The following SOS1 variants were observed in gnomAD, a reference collection of about 807,000 sequenced individuals.
SOS1 encodes SOS Ras/Rac guanine nucleotide exchange factor 1, also known as son of sevenless homolog 1.
Under a neutral mutation model 157.6 loss-of-function variants are expected in SOS1, and 25 were observed. That is an observed-to-expected ratio of 0.16 (90% confidence interval 0.12 to 0.22). The LOEUF is 0.22. Ranked by LOEUF, SOS1 falls within the 10% of genes least tolerant of loss-of-function variation. The probability of loss-of-function intolerance (pLI) is 1.00; values close to 1 mark genes in which losing one functional copy is unlikely to be tolerated. For synonymous variants in SOS1, 528 were observed against 534.0 expected (o/e 0.99, Z 0.16); for missense variants, 1,237 against 1,599.1 (o/e 0.77, Z 3.86).
intron 8 of SOS1, among the ~76,000 whole-genome samples, chr2:39,026,865 T>G (rs567291646): frequency 8.6e-4 from 131 of 152,344 alleles, no homozygotes; most frequent in African/African-American, 3.0e-3. Context: ...TGATGAGCTT[T>G]TTAAAAATTG....
At chr2:39,038,351 T>A (rs1670428950) in intron 6 of SOS1, among the ~76,000 whole-genome samples, 1 of 152,184 alleles carries the variant, frequency 6.6e-6, no homozygotes, top group East Asian at 1.9e-4. Flanking sequence ...AGAAATAGGA[T>A]TAGAAGTGGA....
chr2:38,985,954 G>A lies in SOS1; in HGVS notation c.3872C>T (p.Pro1291Leu). The A allele has an allele frequency of 6.2e-7, 1 of 1,614,008 alleles. No individual in the cohort carries two copies. Among genetic ancestry groups the A allele is most frequent in the Non-Finnish European group, 8.5e-7 (1 of 1,179,902 alleles). Residue 1291 changes from proline (P) to leucine (L), a missense_variant, in exon 23 of 23, where the codon CCT becomes CTT. Physicochemically the swap from Pro to Leu is moderately conservative, Grantham distance 98. This residue lies in a region of SOS1 where 306 missense variants were observed against 322.6 expected (regional missense o/e 0.95). Transcript: ENST00000402219. ...AGAAGTGCTTTGTCGTGGAGGAACAGGCGGCCCAGCAATGGAATGAAGGTC... is the reference window on the plus strand; with the variant it reads ...AGAAGTGCTTTGTCGTGGAGGAACAAGCGGCCCAGCAATGGAATGAAGGTC... Reference protein sequence around the residue: ...EVDLHSIAGPPVPPRQSTSQH... With the variant: ...EVDLHSIAGPLVPPRQSTSQH...
chr2:39,020,738 C>G (rs936814191), intron 10 of SOS1, among the ~76,000 whole-genome samples: 2 of 151,712 alleles, frequency 1.3e-5, no homozygotes. Flanking sequence ...AGTAACAGAC[C>G]TTACAGAATA....
At chr2:39,100,585 T>A (rs1672931300) in intron 1 of SOS1, among the ~76,000 whole-genome samples, 1 of 152,108 alleles carries the variant, frequency 6.6e-6, no homozygotes, top group South Asian at 2.1e-4. Context: ...ATGACATCGC[T>A]TATATATGGA....
chr2:39,039,185 T>C (rs1300136669), intron 6 of SOS1, among the ~76,000 whole-genome samples: 1 of 152,264 alleles, frequency 6.6e-6, no homozygotes, highest in African/African-American at 2.4e-5. Context: ...CAGGATAGTG[T>C]AAACATAACT....
intron 8 of SOS1, among the ~76,000 whole-genome samples, chr2:39,031,829 A>G (rs1670169128): frequency 6.6e-6 from 1 of 152,232 alleles, no homozygotes; most frequent in South Asian, 2.1e-4. Context: ...ACATACAAAA[A>G]TCACATTATT....
chr2:39,111,833 G>A (rs1361811565), intron 1 of SOS1, among the ~76,000 whole-genome samples: 2 of 151,220 alleles, frequency 1.3e-5, no homozygotes, highest in Non-Finnish European at 2.9e-5. Context: ...GGTTTCAAGC[G>A]ATTCTCCTAC....
chr2:39,114,116 G>A (rs1246113339), intron 1 of SOS1, among the ~76,000 whole-genome samples: 1 of 151,696 alleles, frequency 6.6e-6, no homozygotes, highest in Non-Finnish European at 1.5e-5. Flanking sequence ...CTTTTTCTGA[G>A]ACAGGGTTTT....
chr2:38,995,476 T>G, intron 19 of SOS1, 89 bp from the exon 20 acceptor site: 1 of 984,290 alleles, frequency 1.0e-6, no homozygotes, highest in Non-Finnish European at 1.6e-6. Flanking sequence ...ATTCAGCTAA[T>G]ATACAGGAAA....
chr2:39,113,458 T>C (rs1043579712), intron 1 of SOS1, among the ~76,000 whole-genome samples: 4 of 151,250 alleles, frequency 2.6e-5, no homozygotes, highest in African/African-American at 9.7e-5. Context: ...TTGGCGTCAA[T>C]AGCATGAGCC....
intron 1 of SOS1, among the ~76,000 whole-genome samples, chr2:39,095,151 T>C (rs1013711929): frequency 6.6e-6 from 1 of 152,226 alleles, no homozygotes; most frequent in African/African-American, 2.4e-5. Flanking sequence ...AATTTGCTGC[T>C]TGCAAAAGTT....
At chr2:39,055,172 C>T (rs758802563) in intron 4 of SOS1, among the ~76,000 whole-genome samples, 3 of 152,080 alleles carry the variant, frequency 2.0e-5, no homozygotes, top group Non-Finnish European at 4.4e-5. Flanking sequence ...TATTCCATGG[C>T]CTCAGTATCT....
chr2:39,106,586 G>C (rs773790123), intron 1 of SOS1, among the ~76,000 whole-genome samples: 2 of 81,340 alleles, frequency 2.5e-5, no homozygotes, highest in African/African-American at 6.6e-5. Context: ...GCGAGACTCC[G>C]TCTCAAAAAA....
intron 1 of SOS1, among the ~76,000 whole-genome samples, chr2:39,112,881 C>T (rs1673490709): frequency 6.6e-6 from 1 of 151,872 alleles, no homozygotes; most frequent in Admixed American, 6.6e-5. Context: ...TCTACTAAAA[C>T]ACAAAAGATT....
intron 8 of SOS1, among the ~76,000 whole-genome samples, chr2:39,030,154 A>G (rs964024148): frequency 1.3e-5 from 2 of 151,686 alleles, no homozygotes; most frequent in African/African-American, 4.8e-5. Flanking sequence ...TGACAGAACA[A>G]GACTCCATCT....
intron 8 of SOS1, among the ~76,000 whole-genome samples, chr2:39,029,948 C>G (rs1210365865): frequency 6.6e-6 from 1 of 151,998 alleles, no homozygotes. Flanking sequence ...GGGAGAAGCC[C>G]TTGAGCCCAG....
intron 2 of SOS1, among the ~76,000 whole-genome samples, chr2:39,061,588 T>C (rs979428332): frequency 5.9e-5 from 9 of 152,136 alleles, no homozygotes; most frequent in African/African-American, 1.9e-4. Flanking sequence ...GATCCTGCTA[T>C]GTTGCCCAGG....
intron 1 of SOS1, among the ~76,000 whole-genome samples, chr2:39,076,515 T>A (rs768186197): frequency 1.3e-5 from 2 of 152,198 alleles, no homozygotes; most frequent in Non-Finnish European, 2.9e-5. Flanking sequence ...AAGTAAATCT[T>A]TTGTGATTCT....
intron 1 of SOS1, among the ~76,000 whole-genome samples, chr2:39,089,829 A>G (rs1259327504): frequency 2.0e-5 from 3 of 151,748 alleles, no homozygotes; most frequent in Non-Finnish European, 4.4e-5. Flanking sequence ...GAAATAATCT[A>G]TTTACAAAAA....
Sources: allele counts gnomAD v4.1 joint callset (sites outside exome capture counted in the v4.1 genomes callset), GRCh38; gene constraint gnomAD v4.1.1; regional missense constraint gnomAD v4.1.1; transcripts MANE v1.5; gene names NCBI Gene and HGNC (gene_info 2026-07-23, HGNC 2026-07-21).